Variants in EPHA6 observed in about 807,000 individuals in gnomAD.
The protein encoded by EPHA6 is EPH receptor A6.
A neutral mutation model predicts 112.0 loss-of-function variants in EPHA6; 50 were observed. The observed-to-expected ratio is 0.45, with a 90% confidence interval of 0.36 to 0.56. The LOEUF (loss-of-function observed/expected upper bound fraction) is 0.56. EPHA6 is among the 20% of genes least tolerant of loss of function. The pLI, the probability that EPHA6 is intolerant of heterozygous loss-of-function variation, is 0.00. For synonymous variants in EPHA6, 529 were observed against 490.7 expected (o/e 1.08, Z -1.03); for missense variants, 1,280 against 1,417.4 (o/e 0.90, Z 1.56).
At chr3:97,083,024 A>G (rs1243255241) in intron 3 of EPHA6, among the ~76,000 whole-genome samples, 1 of 151,424 alleles carries the variant, frequency 6.6e-6, no homozygotes, top group Non-Finnish European at 1.5e-5. Flanking sequence ...AAATTTGTCC[A>G]TTCTAACTTA....
At chr3:97,179,275 T>G (rs2076918857) in intron 3 of EPHA6, among the ~76,000 whole-genome samples, 2 of 152,158 alleles carry the variant, frequency 1.3e-5, no homozygotes, top group African/African-American at 4.8e-5. Flanking sequence ...TCTGAATTCC[T>G]TCTCTGTGTT....
chr3:97,070,116 A>G (rs528151467), intron 3 of EPHA6, among the ~76,000 whole-genome samples: 3 of 152,150 alleles, frequency 2.0e-5, no homozygotes, highest in Admixed American at 6.6e-5. Context: ...CTTTTCTCCT[A>G]TTTGACTACT....
rs1400665333 is a variant in EPHA6 at position 97,397,769 on chromosome 3, A to G, written c.1607-7381A>G. On this transcript the variant is annotated intron_variant, in intron 5 of 17. Transcript: ENST00000389672. ...TTAGAGGAATGATTTCATTAAGTAT[A>G]CAGAATGGAGTATTTTAGCAATTAA... is the stretch of plus-strand genomic sequence containing the variant. 2.0e-5 allele frequency among the ~76,000 whole-genome samples: 3 copies of G among 151,652 alleles called. No individual in the cohort carries two copies. The East Asian group carries it at 5.8e-4, about 29-fold the overall frequency.
chr3:97,533,288 C>T lies in EPHA6; in HGVS notation c.2386+745C>T, dbSNP rs982317885. ...AAATAACTTCAATCCTTGAAAGAGG[C>T]ATTTTTCTTTCATAAAAATAACATT... is the stretch of plus-strand genomic sequence containing the variant. On this transcript the variant is annotated intron_variant, in intron 11 of 17. Transcript: ENST00000389672. Among the ~76,000 whole-genome samples the T allele has an allele frequency of 2.0e-4, 31 of 151,898 alleles. 1 individual carries two copies. The highest frequency in any genetic ancestry group is 1.6e-3 in the Admixed American group (24 of 15,206).
chr3:97,360,295 C>T (rs1018692862), intron 5 of EPHA6, among the ~76,000 whole-genome samples: 3 of 152,158 alleles, frequency 2.0e-5, no homozygotes, highest in African/African-American at 7.2e-5. Context: ...CAGTAGACTT[C>T]AGATTTCCAA....
At chr3:97,203,778 A>G (rs1292310776) in intron 3 of EPHA6, among the ~76,000 whole-genome samples, 1 of 152,168 alleles carries the variant, frequency 6.6e-6, no homozygotes, top group African/African-American at 2.4e-5. Flanking sequence ...GTAAAAGAAG[A>G]GTGATGTGGA....
At chr3:97,493,903 T>G (rs1445912696) in intron 10 of EPHA6, among the ~76,000 whole-genome samples, 1 of 152,004 alleles carries the variant, frequency 6.6e-6, no homozygotes, top group Non-Finnish European at 1.5e-5. Flanking sequence ...GAGCAATAGG[T>G]CTCCCAGAGT....
At position 97,443,706 on chromosome 3, in the gene EPHA6, G is replaced by A. The variant is rs145089802; in HGVS notation, c.1732-4862G>A. On this transcript the variant is annotated intron_variant, in intron 6 of 17. Coordinates refer to ENST00000389672, the MANE Select transcript of EPHA6 (RefSeq NM_001080448.3). ...TAGAAAATAATTTTACCTTTGAAAT[G>A]TGTATTTAAACATTTGGTGTTGAGA... Among the ~76,000 whole-genome samples, 558 of 152,254 alleles carry A rather than the reference G, an allele frequency of 3.7e-3. 2 individuals carry two copies. The highest frequency in any genetic ancestry group is 0.013 in the African/African-American group (521 of 41,568).
intron 2 of EPHA6, among the ~76,000 whole-genome samples, chr3:96,915,553 C>T (rs985849057): frequency 2.0e-5 from 3 of 152,114 alleles, no homozygotes; most frequent in South Asian, 2.1e-4. Context: ...TATTGTTATT[C>T]TCCGTTTACA....
At chr3:97,256,176 T>G (rs2079306507) in intron 5 of EPHA6, among the ~76,000 whole-genome samples, 1 of 152,112 alleles carries the variant, frequency 6.6e-6, no homozygotes, top group African/African-American at 2.4e-5. Context: ...GAATGTTTCT[T>G]TGTTTTATTT....
At chr3:96,898,982 C>T (rs1176719020) in intron 2 of EPHA6, among the ~76,000 whole-genome samples, 3 of 150,524 alleles carry the variant, frequency 2.0e-5, no homozygotes, top group Admixed American at 1.3e-4. Flanking sequence ...GAGTTGAGAT[C>T]GCGCCACTGC....
At chr3:96,821,399 T>G (rs1169307546) in intron 1 of EPHA6, among the ~76,000 whole-genome samples, 4 of 151,950 alleles carry the variant, frequency 2.6e-5, no homozygotes, top group Admixed American at 2.6e-4. Context: ...TAGAATGTTC[T>G]GGAAAATACT....
At chr3:97,403,982 A>G (rs1012978091) in intron 5 of EPHA6, among the ~76,000 whole-genome samples, 1 of 152,166 alleles carries the variant, frequency 6.6e-6, no homozygotes, top group Non-Finnish European at 1.5e-5. Context: ...AAATAACTCT[A>G]TTCTAGTGTT....
chr3:96,891,609 T>C (rs1195014227), intron 2 of EPHA6, among the ~76,000 whole-genome samples: 1 of 152,104 alleles, frequency 6.6e-6, no homozygotes, highest in African/African-American at 2.4e-5. Flanking sequence ...CTTGGGAGGC[T>C]GAGGCAAGAG....
chr3:97,614,012 A>C (rs1031465091), intron 13 of EPHA6, among the ~76,000 whole-genome samples: 1 of 152,200 alleles, frequency 6.6e-6, no homozygotes, highest in African/African-American at 2.4e-5. Context: ...AGAAATTCCC[A>C]TTTCAGAACA....
intron 3 of EPHA6, among the ~76,000 whole-genome samples, chr3:97,102,312 G>T (rs2047427802): frequency 6.6e-6 from 1 of 152,006 alleles, no homozygotes; most frequent in Non-Finnish European, 1.5e-5. Flanking sequence ...CTTAGTAAAT[G>T]CTACGTGGAG....
At chr3:96,833,873 C>T (rs770118948) in intron 1 of EPHA6, among the ~76,000 whole-genome samples, 7 of 151,896 alleles carry the variant, frequency 4.6e-5, no homozygotes, top group East Asian at 1.9e-4. Flanking sequence ...AATTACTAGA[C>T]CTTATTCATT....
intron 14 of EPHA6, among the ~76,000 whole-genome samples, chr3:97,643,587 A>T (rs1229087636): frequency 6.7e-6 from 1 of 149,420 alleles, no homozygotes; most frequent in Non-Finnish European, 1.5e-5. Flanking sequence ...AAATAAAAGG[A>T]TGGAGGAAGA....
intron 2 of EPHA6, among the ~76,000 whole-genome samples, chr3:96,982,091 T>G (rs1469960731): frequency 6.6e-6 from 1 of 152,194 alleles, no homozygotes; most frequent in Non-Finnish European, 1.5e-5. Context: ...TCTTGCCTTC[T>G]GCTAGCTTTT....
Sources: gnomAD v4.1 joint callset for allele counts (sites outside exome capture counted in the v4.1 genomes callset) on GRCh38, gnomAD v4.1.1 for gene constraint, MANE v1.5 for transcripts, NCBI Gene and HGNC (gene_info 2026-07-23, HGNC 2026-07-21) for gene names.